The following OPCML variants were observed in gnomAD, a reference collection of about 807,000 sequenced individuals.
The protein encoded by OPCML is opioid binding protein/cell adhesion molecule like.
A neutral mutation model predicts 37.8 loss-of-function variants in OPCML; 13 were observed. That is an observed-to-expected ratio of 0.34 (90% CI 0.22 to 0.55). The LOEUF is 0.55. Among genes scored for constraint, OPCML ranks in the 20% least tolerant of loss-of-function variants. The pLI is 0.91. For synonymous variants in OPCML, 176 were observed against 168.8 expected (o/e 1.04, Z -0.33); for missense variants, 341 against 435.6 (o/e 0.78, Z 1.93).
intron 1 of OPCML, among the ~76,000 whole-genome samples, chr11:133,436,543 T>C (rs1332327200): frequency 6.6e-6 from 1 of 152,222 alleles, no homozygotes; most frequent in African/African-American, 2.4e-5. Flanking sequence ...CTCACAAATG[T>C]GATCTCAGAG....
intron 2 of OPCML, among the ~76,000 whole-genome samples, chr11:132,832,859 T>C (rs900480383): frequency 2.0e-5 from 3 of 152,194 alleles, no homozygotes; most frequent in South Asian, 2.1e-4. Flanking sequence ...AACACAATGG[T>C]AAGTATTTGT....
intron 4 of OPCML, among the ~76,000 whole-genome samples, chr11:132,476,913 T>A (rs1328173572): frequency 6.6e-6 from 1 of 152,234 alleles, no homozygotes; most frequent in Non-Finnish European, 1.5e-5. Context: ...TTTTATCTAC[T>A]AAACAAATTG....
chr11:133,396,493 A>G (rs1226042181), intron 1 of OPCML, among the ~76,000 whole-genome samples: 1 of 152,074 alleles, frequency 6.6e-6, no homozygotes, highest in Non-Finnish European at 1.5e-5. Context: ...TGCTATTATC[A>G]TGTTTACACA....
chr11:133,305,134 A>T (rs1025589413), intron 1 of OPCML, among the ~76,000 whole-genome samples: 1 of 152,200 alleles, frequency 6.6e-6, no homozygotes, highest in South Asian at 2.1e-4. Context: ...TCAAAGGAGA[A>T]AAAAAACCTT....
chr11:133,383,319 G>A (rs749314061), intron 1 of OPCML, among the ~76,000 whole-genome samples: 2 of 152,054 alleles, frequency 1.3e-5, no homozygotes, highest in Non-Finnish European at 2.9e-5. Context: ...TGGAACTGCC[G>A]TATGGTGCTC....
chr11:132,745,580 A>AAAAAAAAG (rs1555183231), intron 2 of OPCML, among the ~76,000 whole-genome samples: 25 of 87,542 alleles, frequency 2.9e-4, no homozygotes, highest in African/African-American at 8.9e-4. Flanking sequence ...AAAAAAAAAA[A>AAAAAAAAG]AAAGAAAGAA....
At chr11:133,099,098 T>C (rs1949047362) in intron 1 of OPCML, among the ~76,000 whole-genome samples, 1 of 152,120 alleles carries the variant, frequency 6.6e-6, no homozygotes, top group Middle Eastern at 3.4e-3. Flanking sequence ...ATAAAAGAGA[T>C]AAATATGATA....
Position 132,989,602 on chromosome 11 carries a change from CGTGTGTGTGTGTGTGT to C in OPCML, c.62-46608_62-46593del, listed in dbSNP as rs72145712. 5.6e-3 allele frequency among the ~76,000 whole-genome samples: 775 copies of C among 139,516 alleles called. 5 individuals carry two copies. The highest frequency in any genetic ancestry group is 0.017 in the African/African-American group (630 of 37,740). The allele number at this position is 139,516 out of a possible 152,430, so 91.5% of individuals were successfully genotyped here. ...GCAGGTTGATGCCAAGGTCCTAGAG[CGTGTGTGTGTGTGTGT>C]GTGTGTGTGTGTGTGTGTGTGTGTG... On this transcript the variant is annotated intron_variant, in intron 1 of 7. Transcript: ENST00000524381.
intron 2 of OPCML, among the ~76,000 whole-genome samples, chr11:132,921,820 AT>A (rs1944815184): frequency 6.6e-6 from 1 of 152,138 alleles, no homozygotes; most frequent in Non-Finnish European, 1.5e-5. Flanking sequence ...GATGGAAACC[AT>A]TCCTGGAACT....
At chr11:132,785,307 G>A (rs1947171411) in intron 2 of OPCML, among the ~76,000 whole-genome samples, 1 of 152,070 alleles carries the variant, frequency 6.6e-6, no homozygotes, top group African/African-American at 2.4e-5. Flanking sequence ...ATCACATGAG[G>A]GATCTACATG....
chr11:132,932,024 A>G (rs1192712506), intron 2 of OPCML, among the ~76,000 whole-genome samples: 2 of 152,232 alleles, frequency 1.3e-5, no homozygotes, highest in Admixed American at 6.5e-5. Flanking sequence ...TAGTTACAAA[A>G]GGATGAATGC....
chr11:132,505,727 C>T (rs1052766743), intron 4 of OPCML, among the ~76,000 whole-genome samples: 1 of 151,830 alleles, frequency 6.6e-6, no homozygotes, highest in East Asian at 1.9e-4. Flanking sequence ...GCAGCTCTCC[C>T]GGGATACAGA....
chr11:132,475,243 C>T (rs1033003961), intron 4 of OPCML, among the ~76,000 whole-genome samples: 1 of 152,208 alleles, frequency 6.6e-6, no homozygotes, highest in African/African-American at 2.4e-5. Context: ...TGCTTCTCCT[C>T]TTCTCCTATT....
At chr11:132,597,990 T>A (rs916725319) in intron 3 of OPCML, among the ~76,000 whole-genome samples, 1 of 152,178 alleles carries the variant, frequency 6.6e-6, no homozygotes, top group Non-Finnish European at 1.5e-5. Flanking sequence ...CATTTCTTTT[T>A]TTTTCAAGAC....
intron 1 of OPCML, among the ~76,000 whole-genome samples, chr11:133,289,280 C>T (rs1292572615): frequency 6.6e-6 from 1 of 152,140 alleles, no homozygotes; most frequent in Non-Finnish European, 1.5e-5. Context: ...GTTTTGATAG[C>T]AATTTGATTT....
Position 132,762,847 on chromosome 11 carries a change from G to A in OPCML, c.147-105528C>T, listed in dbSNP as rs116027443. On this transcript the variant is annotated intron_variant, in intron 2 of 7. Transcript: ENST00000524381. ...TGGTTCTGTCTCACTGGTGTTCCACGTGCCACTGAGGTACAAAAAAATACA... is the reference window on the plus strand; with the variant it reads ...TGGTTCTGTCTCACTGGTGTTCCACATGCCACTGAGGTACAAAAAAATACA... Among the ~76,000 whole-genome samples, 433 of 152,162 alleles carry A rather than the reference G, an allele frequency of 2.8e-3. 4 individuals carry two copies. The highest frequency in any genetic ancestry group is 9.7e-3 in the African/African-American group (403 of 41,508).
At chr11:132,864,391 A>G (rs1218774225) in intron 2 of OPCML, among the ~76,000 whole-genome samples, 1 of 152,232 alleles carries the variant, frequency 6.6e-6, no homozygotes, top group Non-Finnish European at 1.5e-5. Context: ...TTAAGGCTCA[A>G]ATCTGTCACT....
At chr11:133,386,211 T>A (rs1248094978) in intron 1 of OPCML, among the ~76,000 whole-genome samples, 2 of 152,238 alleles carry the variant, frequency 1.3e-5, no homozygotes, top group East Asian at 3.8e-4. Context: ...CCCAGTTTTT[T>A]CTTTCTTTTT....
At chr11:132,681,956 A>C (rs1286936545) in intron 2 of OPCML, among the ~76,000 whole-genome samples, 2 of 140,176 alleles carry the variant, frequency 1.4e-5, no homozygotes, top group African/African-American at 6.1e-5. Flanking sequence ...TTCCGTCTCA[A>C]AAAAAAAAAA....
Sources: gnomAD v4.1 joint callset for allele counts (sites outside exome capture counted in the v4.1 genomes callset) on GRCh38, gnomAD v4.1.1 for gene constraint, MANE v1.5 for transcripts, NCBI Gene and HGNC (gene_info 2026-07-23, HGNC 2026-07-21) for gene names.